The following FNDC4 variants were observed in gnomAD, a reference collection of about 807,000 sequenced individuals.
The protein encoded by FNDC4 is fibronectin type III domain-containing protein 4.
A neutral mutation model predicts 25.1 loss-of-function variants in FNDC4; 11 were observed. That is an observed-to-expected ratio of 0.44 (90% CI 0.28 to 0.73). The LOEUF is 0.73. FNDC4 is among the 30% of genes least tolerant of loss of function. The pLI, the probability that FNDC4 is intolerant of heterozygous loss-of-function variation, is 0.16. For missense variants in FNDC4, 250 were observed against 304.3 expected (o/e 0.82, Z 1.33); for synonymous variants, 136 against 118.8 (o/e 1.14, Z -0.94).
chr2:27,494,339 G>A lies in FNDC4; in HGVS notation c.249+12C>T. On this transcript the variant is annotated intron_variant, in intron 3 of 6. Coordinates refer to ENST00000264703, the MANE Select transcript of FNDC4 (RefSeq NM_022823.3). This position sits in a 1 kb window ranked among gnomAD's most constrained non-coding sequence, Gnocchi z 4.6. ...AGGACACAGGTTGGGGGAGCAGAAG[G>A]GTGATTCATACTTGCTGGGAAATGG... is the stretch of plus-strand genomic sequence containing the variant. The A allele has an allele frequency of 6.3e-7, 1 of 1,599,146 alleles. No homozygotes were observed. Among genetic ancestry groups the A allele is most frequent in the Non-Finnish European group, 8.6e-7 (1 of 1,166,328 alleles).
chr2:27,493,968 T>C lies in FNDC4; in HGVS notation c.416A>G (p.Lys139Arg), dbSNP rs1338095032. 2.5e-6 allele frequency: 4 copies of C among 1,614,240 alleles called. No homozygotes were observed. In the East Asian group the frequency reaches 8.9e-5, roughly 36 times the overall value. Residue 139 changes from lysine (K) to arginine (R), a missense_variant, in exon 4 of 7, where the codon AAG (lysine) becomes AGG (arginine). Transcript: ENST00000264703. ...GTTTGAAGGTAGCCGGTCAGAACCC[T>C]TGAGAGTTCGGAAGTGCACCCGGGG... ...PGPRVHFRTL[K>R]GSDRLPSNSS...
Position 27,494,215 on chromosome 2 carries a change from C to T in FNDC4, c.250-81G>A. The T allele has an allele frequency of 6.8e-7, 1 of 1,460,536 alleles. No homozygotes were observed. Among genetic ancestry groups the T allele is most frequent in the East Asian group, 2.4e-5 (1 of 42,470 alleles). 90.5% of individuals were successfully genotyped at this position (1,460,536 alleles called of 1,614,324 possible). On this transcript the variant is annotated intron_variant, in intron 3 of 6. Coordinates refer to ENST00000264703, the MANE Select transcript of FNDC4 (RefSeq NM_022823.3). The surrounding 1 kb of genome is among the most constrained non-coding windows in gnomAD (Gnocchi z 4.6). The stretch of plus-strand genomic sequence containing the variant: ...GCTCAACCAGAGACTCTTCAACATC[C>T]AAGCACTCCGGGGGAGTAGCGTGAA...
intron 4 of FNDC4, 64 bp downstream of exon 4, chr2:27,493,866 G>A (rs1669316248): frequency 2.8e-6 from 4 of 1,429,722 alleles, no homozygotes; most frequent in African/African-American, 1.4e-5. Flanking sequence ...CTTGTCTTGG[G>A]GAAGTAAGTA....
At position 27,492,907 on chromosome 2, in the gene FNDC4, C is replaced by T; in HGVS notation, c.545-117G>A. 1 of 1,175,056 alleles carries T rather than the reference C, an allele frequency of 8.5e-7. No homozygotes were observed. The highest frequency in any genetic ancestry group is 1.2e-6 in the Non-Finnish European group (1 of 814,004). The allele number at this position is 1,175,056 out of a possible 1,614,324, so 72.8% of individuals were successfully genotyped here. ...CTGAATTCCTGGTGCCCATGCAGTC[C>T]TCCTCTCTGGGCTCTCAACAGCCTC... On this transcript the variant is annotated intron_variant, in intron 5 of 6. Transcript: ENST00000264703. This position sits in a 1 kb window ranked among gnomAD's most constrained non-coding sequence, Gnocchi z 4.1.
chr2:27,494,862 C>T lies in FNDC4; in HGVS notation c.-25+16G>A. The T allele has an allele frequency of 1.8e-6, 1 of 557,820 alleles. No homozygotes were observed. The highest frequency in any genetic ancestry group is 2.5e-5 in the South Asian group (1 of 40,434). 34.6% of individuals were successfully genotyped at this position (557,820 alleles called of 1,614,324 possible). On this transcript the variant is annotated intron_variant, in intron 1 of 6. Coordinates refer to ENST00000264703, the MANE Select transcript of FNDC4 (RefSeq NM_022823.3). The surrounding 1 kb of genome is among the most constrained non-coding windows in gnomAD (Gnocchi z 4.6). ...CCGGGCGGCCCCAGAGTGCGGTCCG[C>T]CCTGCCCACACCCACCTCCGCCGGT...
Position 27,492,014 on chromosome 2 carries a change from T to A in FNDC4, c.*429A>T, listed in dbSNP as rs548895691. On this transcript the variant is annotated 3_prime_UTR_variant, in exon 7 of 7. Coordinates refer to ENST00000264703, the MANE Select transcript of FNDC4 (RefSeq NM_022823.3). The surrounding 1 kb of genome is among the most constrained non-coding windows in gnomAD (Gnocchi z 4.1). ...GACATTGGAGTAGTGCAGTGCAGCATCTGCCTCTAGGGTCAGACAATTCCT... is the reference window on the plus strand; with the variant it reads ...GACATTGGAGTAGTGCAGTGCAGCAACTGCCTCTAGGGTCAGACAATTCCT... 281 of 210,248 alleles carry A rather than the reference T, an allele frequency of 1.3e-3. 2 individuals carry two copies. Among genetic ancestry groups the A allele is most frequent in the African/African-American group, 5.9e-3 (264 of 44,524 alleles). 13.0% of individuals were successfully genotyped at this position (210,248 alleles called of 1,614,324 possible).
At chr2:27,493,502 C>A (rs2148574209) in intron 4 of FNDC4, 24 bp from the exon 5 acceptor site, 1 of 1,577,262 alleles carries the variant, frequency 6.3e-7, no homozygotes, top group South Asian at 1.1e-5. Context: ...AGGCAGAAGG[C>A]AGACTCCAGG....
At chr2:27,493,152 A>G (rs1318294443) in intron 5 of FNDC4, among the ~76,000 whole-genome samples, 1 of 151,724 alleles carries the variant, frequency 6.6e-6, no homozygotes, top group Non-Finnish European at 1.5e-5. Context: ...AGCTGGGGTT[A>G]CAGGCGCCCT....
Position 27,494,139 on chromosome 2 carries a change from A to G in FNDC4, c.250-5T>C. The G allele has an allele frequency of 6.2e-7, 1 of 1,613,100 alleles. No homozygotes were observed. The highest frequency in any genetic ancestry group is 8.5e-7 in the Non-Finnish European group (1 of 1,179,638). On this transcript the variant is annotated splice_polypyrimidine_tract_variant and splice_region_variant and intron_variant, in intron 3 of 6. Transcript: ENST00000264703. This position sits in a 1 kb window ranked among gnomAD's most constrained non-coding sequence, Gnocchi z 4.6. ...CTGCCCGGGGCCATTCTGCCGCTGC[A>G]GGGAGATGAGGGGAGAGGAGGACAG...
At position 27,495,089 on chromosome 2, in the gene FNDC4, G is replaced by T. The variant is rs897268659; in HGVS notation, c.-236C>A. 2 of 152,764 alleles carry T rather than the reference G, an allele frequency of 1.3e-5. No individual in the cohort carries two copies. The highest frequency in any genetic ancestry group is 6.6e-5 in the Admixed American group (1 of 15,240). 9.5% of individuals were successfully genotyped at this position (152,764 alleles called of 1,614,324 possible). ...CCACGGAGTCTGTCCGGGAGCAGGG[G>T]GCGTTGCCCGGACGCTGGCCTGGGT... On this transcript the variant is annotated 5_prime_UTR_variant, in exon 1 of 7. Coordinates refer to ENST00000264703, the MANE Select transcript of FNDC4 (RefSeq NM_022823.3).
Position 27,492,349 on chromosome 2 carries a change from G to C in FNDC4, c.*94C>G. The C allele has an allele frequency of 6.8e-7, 1 of 1,465,506 alleles. No individual in the cohort carries two copies. The highest frequency in any genetic ancestry group is 9.6e-7 in the Non-Finnish European group (1 of 1,044,970). The allele number at this position is 1,465,506 out of a possible 1,614,324, so 90.8% of individuals were successfully genotyped here. A position where few individuals can be genotyped will look rare whatever the true frequency, so the allele number is the denominator to read the frequency against. On this transcript the variant is annotated 3_prime_UTR_variant, in exon 7 of 7. Coordinates refer to ENST00000264703, the MANE Select transcript of FNDC4 (RefSeq NM_022823.3). This position sits in a 1 kb window ranked among gnomAD's most constrained non-coding sequence, Gnocchi z 4.1. The stretch of plus-strand genomic sequence containing the variant: ...GATTGTGGGAGTGGCATTACCCTCT[G>C]GGAGTCTCGGGCAGATCACCATCTT...
chr2:27,492,313 A>G lies in FNDC4; in HGVS notation c.*130T>C, dbSNP rs1669276062. 4 of 1,069,390 alleles carry G rather than the reference A, an allele frequency of 3.7e-6. No homozygotes were observed. In the Admixed American group the frequency reaches 6.9e-5, roughly 18 times the overall value. 66.2% of individuals were successfully genotyped at this position (1,069,390 alleles called of 1,614,324 possible). On this transcript the variant is annotated 3_prime_UTR_variant, in exon 7 of 7. Transcript: ENST00000264703. This position sits in a 1 kb window ranked among gnomAD's most constrained non-coding sequence, Gnocchi z 4.1. ...TGCTCACAGTGGAAAGAGGATGGGT[A>G]CCAGGCCTGAGATTGTGGGAGTGGC...
rs902486387 is a variant in FNDC4 at position 27,494,084 on chromosome 2, G to C, written c.300C>G (p.Thr100=). The part of the protein sequence containing the change: ...QRVIREVNTT[T]RACALWGLAE... ...CCAGGCCCCAGAGGGCACAGGCCCG[G>C]GTGGTGGTGTTCACCTCCCGAATCA... Residue 100 remains threonine (T), a synonymous_variant, in exon 4 of 7, where the codon ACC becomes ACG. Coordinates refer to ENST00000264703, the MANE Select transcript of FNDC4 (RefSeq NM_022823.3). The surrounding 1 kb of genome is among the most constrained non-coding windows in gnomAD (Gnocchi z 4.6). 3 of 1,614,174 alleles carry C rather than the reference G, an allele frequency of 1.9e-6. No individual in the cohort carries two copies. The highest frequency in any genetic ancestry group is 2.5e-6 in the Non-Finnish European group (3 of 1,180,024).
chr2:27,492,770 G>C lies in FNDC4; in HGVS notation c.565C>G (p.Arg189Gly). Residue 189 changes from arginine (R) to glycine (G), a missense_variant, in exon 6 of 7, where the codon CGT becomes GGT. Coordinates refer to ENST00000264703, the MANE Select transcript of FNDC4 (RefSeq NM_022823.3). This position sits in a 1 kb window ranked among gnomAD's most constrained non-coding sequence, Gnocchi z 4.1. ...TTGTCCTTGATGATGTCATACTGACGGCAGAACAGCCCAATTACAGCTGAA... is the reference window on the plus strand; with the variant it reads ...TTGTCCTTGATGATGTCATACTGACCGCAGAACAGCCCAATTACAGCTGAA... ...MWAAVIGLFC[R>G]QYDIIKDNDS... The C allele has an allele frequency of 6.2e-7, 1 of 1,614,022 alleles. No homozygotes were observed. The highest frequency in any genetic ancestry group is 8.5e-7 in the Non-Finnish European group (1 of 1,180,014).
At chr2:27,493,849 T>C in intron 4 of FNDC4, 81 bp downstream of exon 4, 1 of 1,264,438 alleles carries the variant, frequency 7.9e-7, no homozygotes. Flanking sequence ...ACTCAGCTAG[T>C]CTGTTGCTTG....
Position 27,493,956 on chromosome 2 carries a change from C to T in FNDC4, c.428G>A (p.Arg143Gln), listed in dbSNP as rs977458631. The T allele has an allele frequency of 5.0e-6, 8 of 1,614,214 alleles. No homozygotes were observed. The East Asian group carries it at 1.1e-4, about 22-fold the overall frequency. The change falls in exon 4 of 7, where the codon CGG becomes CAG. Residue 143 changes from arginine (R) to glutamine (Q), a missense_variant. Coordinates refer to ENST00000264703, the MANE Select transcript of FNDC4 (RefSeq NM_022823.3). Reference sequence around the variant, plus strand: ...TGGGCTTGAACTGTTTGAAGGTAGCCGGTCAGAACCCTTGAGAGTTCGGAA... The same window carrying T: ...TGGGCTTGAACTGTTTGAAGGTAGCTGGTCAGAACCCTTGAGAGTTCGGAA... ...VHFRTLKGSD[R>Q]LPSNSSSPGD...
At chr2:27,493,832 C>T (rs1669315411) in intron 4 of FNDC4, 98 bp downstream of exon 4, 2 of 1,093,376 alleles carry the variant, frequency 1.8e-6, no homozygotes, top group Non-Finnish European at 2.8e-6. Flanking sequence ...TTAAATCATC[C>T]TATTCAACTC....
Position 27,494,758 on chromosome 2 carries a change from C to CG in FNDC4, c.-24-56dup. ...AGGACTGCCCAGAACGCACGGAGGT[C>CG]GGGGGGCAGCAGCTCTCCTGGGCTC... is the stretch of plus-strand genomic sequence containing the variant. On this transcript the variant is annotated intron_variant, in intron 1 of 6. Coordinates refer to ENST00000264703, the MANE Select transcript of FNDC4 (RefSeq NM_022823.3). This position sits in a 1 kb window ranked among gnomAD's most constrained non-coding sequence, Gnocchi z 4.6. 3.7e-6 allele frequency: 3 copies of CG among 816,548 alleles called. No individual in the cohort carries two copies. Among genetic ancestry groups the CG allele is most frequent in the Admixed American group, 2.9e-5 (1 of 34,182 alleles). The allele number at this position is 816,548 out of a possible 1,614,324, so 50.6% of individuals were successfully genotyped here.
At position 27,494,729 on chromosome 2, in the gene FNDC4, G is replaced by C. The variant is rs763666785; in HGVS notation, c.-24-26C>G. ...CTGGAGATGGCAGGAGTTGTGGGGG[G>C]TCAAGGACTGCCCAGAACGCACGGA... On this transcript the variant is annotated intron_variant, in intron 1 of 6. Transcript: ENST00000264703. This position sits in a 1 kb window ranked among gnomAD's most constrained non-coding sequence, Gnocchi z 4.6. The C allele has an allele frequency of 5.5e-6, 8 of 1,445,542 alleles. No homozygotes were observed. In the South Asian group the frequency reaches 1.1e-4, roughly 20 times the overall value. The allele number at this position is 1,445,542 out of a possible 1,614,324, so 89.5% of individuals were successfully genotyped here.
Sources: gnomAD v4.1 joint callset for allele counts (sites outside exome capture counted in the v4.1 genomes callset) on GRCh38, gnomAD v4.1.1 for gene constraint, Gnocchi (gnomAD v3.1) non-coding constraint, MANE v1.5 for transcripts, NCBI Gene and HGNC (gene_info 2026-07-23, HGNC 2026-07-21) for gene names.